CALN1: variants seen among roughly 807,000 people sequenced by gnomAD.
The protein encoded by CALN1 is calcium-binding protein 8.
CALN1 carries 17 observed loss-of-function variants against 30.6 expected under a neutral mutation model. The ratio of observed to expected loss-of-function variants is 0.56; its 90% CI spans 0.38 to 0.83. CALN1 has a LOEUF of 0.83. CALN1 is among the 40% of genes least tolerant of loss of function. The probability of loss-of-function intolerance (pLI) is 0.00; values close to 1 mark genes in which losing one functional copy is unlikely to be tolerated. For synonymous variants in CALN1, 156 were observed against 131.4 expected, an observed-to-expected ratio of 1.19 and a Z score of -1.28; for missense variants, 291 against 354.9, an observed-to-expected ratio of 0.82 and a Z score of 1.45.
intron 3 of CALN1, among the ~76,000 whole-genome samples, chr7:72,270,359 T>C (rs1796896941): frequency 6.6e-6 from 1 of 152,146 alleles, no homozygotes; most frequent in African/African-American, 2.4e-5. Context: ...ATGAAGGATA[T>C]ACAGATATTC....
At chr7:72,464,322 A>T in the CALN1 span, among the ~76,000 whole-genome samples, 1 of 152,160 alleles carries the variant, frequency 6.6e-6, no homozygotes, top group South Asian at 2.1e-4. Flanking sequence ...AAAAGAAGAG[A>T]AAAGGGTTTC....
chr7:72,309,752 G>C (rs969896441), intron 2 of CALN1, among the ~76,000 whole-genome samples: 1 of 152,178 alleles, frequency 6.6e-6, no homozygotes, highest in African/African-American at 2.4e-5. Flanking sequence ...CCCACATTCT[G>C]CTCCAAGCCA....
intron 2 of CALN1, among the ~76,000 whole-genome samples, chr7:72,372,941 G>GAATTATCTGGCA (rs555314233): frequency 6.6e-6 from 1 of 152,100 alleles, no homozygotes; most frequent in African/African-American, 2.4e-5. Context: ...ATGGATGTTG[G>GAATTATCTGGCA]AATTATCTGG....
At chr7:72,457,079 G>C in the CALN1 span, among the ~76,000 whole-genome samples, 1 of 138,594 alleles carries the variant, frequency 7.2e-6, no homozygotes, top group East Asian at 2.1e-4. Context: ...TGCAATCTCA[G>C]CTCACTGCAA....
chr7:72,255,730 A>AATTT (rs1302298509), intron 3 of CALN1, among the ~76,000 whole-genome samples: 2 of 100,294 alleles, frequency 2.0e-5, no homozygotes, highest in Admixed American at 2.2e-4. Flanking sequence ...TCACTTAAAT[A>AATTT]ATTTTTTTTT....
chr7:71,920,930 C>T (rs867585417), intron 5 of CALN1, among the ~76,000 whole-genome samples: 34 of 152,228 alleles, frequency 2.2e-4, no homozygotes, highest in African/African-American at 6.3e-4. Flanking sequence ...GCACTGTTCA[C>T]AACAGCAAAG....
At chr7:71,926,812 T>C (rs1165640709) in intron 5 of CALN1, among the ~76,000 whole-genome samples, 1 of 152,236 alleles carries the variant, frequency 6.6e-6, no homozygotes, top group African/African-American at 2.4e-5. Context: ...TTTTCATCTC[T>C]GTTATTGTAT....
chr7:72,147,481 G>GATGTGGAGAACTAGGAAC (rs775589538), intron 3 of CALN1, among the ~76,000 whole-genome samples: 1 of 100,836 alleles, frequency 9.9e-6, no homozygotes, highest in African/African-American at 3.8e-5. Flanking sequence ...TGTTGGAGAG[G>GATGTGGAGAACTAGGAAC]ACTGTTACAC....
chr7:72,383,077 T>A (rs1406675390), intron 2 of CALN1, among the ~76,000 whole-genome samples: 1 of 152,202 alleles, frequency 6.6e-6, no homozygotes, highest in Non-Finnish European at 1.5e-5. Context: ...TGAGCCACCC[T>A]GCCCAGCCAG....
intron 2 of CALN1, among the ~76,000 whole-genome samples, chr7:72,329,797 T>G (rs1234162352): frequency 6.6e-6 from 1 of 150,770 alleles, no homozygotes; most frequent in Non-Finnish European, 1.5e-5. Context: ...CTACTAAAAA[T>G]CCACAAATTA....
At chr7:72,381,421 G>A (rs769292779) in intron 2 of CALN1, among the ~76,000 whole-genome samples, 14 of 152,148 alleles carry the variant, frequency 9.2e-5, no homozygotes, top group South Asian at 2.1e-4. Context: ...CATTAGCAAA[G>A]AGTTGGAACC....
At chr7:71,919,864 C>T (rs769635670) in intron 5 of CALN1, among the ~76,000 whole-genome samples, 26 of 152,168 alleles carry the variant, frequency 1.7e-4, no homozygotes, top group Non-Finnish European at 3.2e-4. Context: ...AAAGGGATTT[C>T]TTGTGTCTGT....
At chr7:72,205,080 A>G (rs929211403) in intron 3 of CALN1, among the ~76,000 whole-genome samples, 3 of 152,026 alleles carry the variant, frequency 2.0e-5, no homozygotes, top group Non-Finnish European at 4.4e-5. Flanking sequence ...TTTATTTTCA[A>G]TTTCTATTAC....
At chr7:72,334,187 G>A (rs1279993028) in intron 2 of CALN1, among the ~76,000 whole-genome samples, 1 of 152,142 alleles carries the variant, frequency 6.6e-6, no homozygotes, top group Non-Finnish European at 1.5e-5. Flanking sequence ...AATTAAGAGG[G>A]TCTCCGAAGG....
At chr7:71,796,990 A>G (rs900062261) in intron 6 of CALN1, among the ~76,000 whole-genome samples, 10 of 152,126 alleles carry the variant, frequency 6.6e-5, no homozygotes, top group Admixed American at 5.9e-4. Context: ...ACAGCCATTC[A>G]CACTGCTCCA....
chr7:72,106,381 C>G (rs2129541284), intron 3 of CALN1, 87 bp from the exon 4 acceptor site: 1 of 1,512,040 alleles, frequency 6.6e-7, no homozygotes, highest in Non-Finnish European at 9.1e-7. Context: ...CTGAGAACTC[C>G]TAACTGCTTT....
intron 2 of CALN1, among the ~76,000 whole-genome samples, chr7:72,316,134 G>A (rs996667837): frequency 6.8e-6 from 1 of 146,860 alleles, no homozygotes; most frequent in Non-Finnish European, 1.5e-5. Flanking sequence ...CCAGATGACA[G>A]ATTATGTCTT....
the CALN1 span, among the ~76,000 whole-genome samples, chr7:72,501,956 T>TATATATATATAAATATATATACACAC: frequency 4.6e-3 from 471 of 103,190 alleles, 14 homozygotes; most frequent in African/African-American, 7.5e-3. Context: ...TATACACACA[T>TATATATATATAAATATATATACACAC]ATATATATAT....
At chr7:71,987,109 G>C (rs1005413513) in intron 5 of CALN1, among the ~76,000 whole-genome samples, 5 of 151,260 alleles carry the variant, frequency 3.3e-5, no homozygotes, top group Non-Finnish European at 5.9e-5. Context: ...CTCGGTGACA[G>C]AGCGAAGCTT....
Sources: gnomAD v4.1 joint callset for allele counts (sites outside exome capture counted in the v4.1 genomes callset) on GRCh38, gnomAD v4.1.1 for gene constraint, MANE v1.5 for transcripts, NCBI Gene and HGNC (gene_info 2026-07-23, HGNC 2026-07-21) for gene names.